The following VGLL4 variants were observed in gnomAD, a reference collection of about 807,000 sequenced individuals.
VGLL4 encodes vestigial like family member 4.
Under a neutral mutation model 21.0 loss-of-function variants are expected in VGLL4, and 7 were observed. The ratio of observed to expected loss-of-function variants is 0.33; its 90% CI spans 0.19 to 0.63. The LOEUF (loss-of-function observed/expected upper bound fraction) is 0.63. Among genes scored for constraint, VGLL4 ranks in the 20% least tolerant of loss-of-function variants. The pLI, the probability that VGLL4 is intolerant of heterozygous loss-of-function variation, is 0.78. For missense variants in VGLL4, 394 were observed against 425.7 expected, an observed-to-expected ratio of 0.93 and a Z score of 0.66; for synonymous variants, 222 against 173.2, an observed-to-expected ratio of 1.28 and a Z score of -2.21.
chr3:11,677,277 A>ATT (rs768290568), intron 2 of VGLL4, among the ~76,000 whole-genome samples: 7 of 145,314 alleles, frequency 4.8e-5, no homozygotes, highest in East Asian at 2.0e-4. Context: ...ACAGACTGCA[A>ATT]TTTTTTTTTT....
intron 2 of VGLL4, among the ~76,000 whole-genome samples, chr3:11,652,249 A>G (rs1403993080): frequency 6.6e-6 from 1 of 152,224 alleles, no homozygotes; most frequent in Admixed American, 6.5e-5. Flanking sequence ...TAATATTAAA[A>G]TTCATAGAAA....
At chr3:11,699,423 T>A (rs1005996943) in intron 2 of VGLL4, 2 of 152,144 alleles carry the variant, frequency 1.3e-5, no homozygotes, top group African/African-American at 4.8e-5. Context: ...CATTCAAATG[T>A]AAAAAATGAT....
intron 2 of VGLL4, among the ~76,000 whole-genome samples, chr3:11,594,434 G>T (rs531747778): frequency 1.3e-5 from 2 of 152,228 alleles, no homozygotes; most frequent in Non-Finnish European, 2.9e-5. Context: ...TATATTTCAA[G>T]TGTCCAACAC....
At chr3:11,566,061 C>T (rs2073481578) in intron 2 of VGLL4, among the ~76,000 whole-genome samples, 1 of 152,188 alleles carries the variant, frequency 6.6e-6, no homozygotes. Flanking sequence ...TACAAGTAGT[C>T]ACCTGTCTTA....
In VGLL4 at chr3:11,565,121, T is replaced by C; in HGVS notation, c.273-102A>G. On this transcript the variant is annotated intron_variant, in intron 2 of 4. Coordinates refer to ENST00000430365, the MANE Select transcript of VGLL4 (RefSeq NM_001128219.3). The surrounding 1 kb of genome is among the most constrained non-coding windows in gnomAD (Gnocchi z 4.1). The stretch of plus-strand genomic sequence containing the variant: ...GTGTTGCTTATTTAATTTTTTACCC[T>C]GAAGCTCAGGTCGTGTGGCTGGGCA... The C allele has an allele frequency of 1.7e-6, 2 of 1,168,012 alleles. No individual in the cohort carries two copies. Among genetic ancestry groups the C allele is most frequent in the African/African-American group, 1.6e-5 (1 of 61,970 alleles). The allele number at this position is 1,168,012 out of a possible 1,614,324, so 72.4% of individuals were successfully genotyped here. A position where few individuals can be genotyped will look rare whatever the true frequency, so the allele number is the denominator to read the frequency against.
intron 1 of VGLL4, among the ~76,000 whole-genome samples, chr3:11,643,083 G>C (rs1397780438): frequency 6.6e-6 from 1 of 152,136 alleles, no homozygotes; most frequent in African/African-American, 2.4e-5. Flanking sequence ...CCCCCAAAGA[G>C]GCTCAACTTT....
At chr3:11,633,300 A>G (rs944849506) in intron 1 of VGLL4, 2 of 152,224 alleles carry the variant, frequency 1.3e-5, no homozygotes, top group African/African-American at 2.4e-5. Context: ...GGAGGGAGGT[A>G]ACACAGCGAG....
intron 2 of VGLL4, among the ~76,000 whole-genome samples, chr3:11,655,845 G>A (rs1417541286): frequency 1.3e-5 from 2 of 152,090 alleles, no homozygotes; most frequent in Non-Finnish European, 2.9e-5. Flanking sequence ...TCTGATGAAC[G>A]GCCATCTCCC....
chr3:11,699,148 A>G (rs968590560), intron 2 of VGLL4, among the ~76,000 whole-genome samples: 1 of 152,230 alleles, frequency 6.6e-6, no homozygotes, highest in African/African-American at 2.4e-5. Flanking sequence ...AGGGCAGAGA[A>G]AGCTGAGTCA....
At chr3:11,634,223 C>G (rs1390746696) in intron 1 of VGLL4, among the ~76,000 whole-genome samples, 1 of 152,192 alleles carries the variant, frequency 6.6e-6, no homozygotes, top group African/African-American at 2.4e-5. Flanking sequence ...ACCCCAGAAC[C>G]TAGTCCTCTT....
At chr3:11,573,304 AAAGGAAGGAAGG>A (rs1559870042) in intron 2 of VGLL4, among the ~76,000 whole-genome samples, 308 of 11,934 alleles carry the variant, frequency 0.026, 32 homozygotes, top group African/African-American at 0.043. Flanking sequence ...AGAAAGAAAG[AAAGGAAGGAAGG>A]AAGAAAGAAA....
chr3:11,564,889 G>A lies in VGLL4; in HGVS notation c.403C>T (p.Leu135=), dbSNP rs1391587450. Residue 135 remains leucine, a synonymous_variant, in exon 3 of 5, where the codon CTG becomes TTG. Coordinates refer to ENST00000430365, the MANE Select transcript of VGLL4 (RefSeq NM_001128219.3). Reference sequence around the variant, plus strand: ...TTGGTCAGTGCGAGGGGCTGCTCCAGGCCAAGGCTGGGGAGGGAGGTGTAC... The same window carrying A: ...TTGGTCAGTGCGAGGGGCTGCTCCAAGCCAAGGCTGGGGAGGGAGGTGTAC... ...HLYTSLPSLG[L]EQPLALTKNS... 6.2e-7 allele frequency: 1 copy of A among 1,608,214 alleles called. No homozygotes were observed. Among genetic ancestry groups the A allele is most frequent in the Non-Finnish European group, 8.5e-7 (1 of 1,177,930 alleles).
At chr3:11,703,530 T>C (rs558875291) in intron 1 of VGLL4, among the ~76,000 whole-genome samples, 4 of 152,352 alleles carry the variant, frequency 2.6e-5, no homozygotes, top group African/African-American at 9.6e-5. Flanking sequence ...TAAGAATCTT[T>C]ATGTTAAAAC....
At chr3:11,665,634 C>T (rs1034275461) in intron 2 of VGLL4, among the ~76,000 whole-genome samples, 9 of 152,224 alleles carry the variant, frequency 5.9e-5, no homozygotes, top group Admixed American at 2.0e-4. Flanking sequence ...TGCCTGAAGG[C>T]GCCTGACAAA....
rs56380247 is a variant in VGLL4 at position 11,661,435 on chromosome 3, TTTTA to T, written c.64+41532_64+41535del. Reference sequence around the variant, plus strand: ...GAAAGTTATGAACCAACATTTTTCCTTTTATTTATTTATTTATTTATTTATTTAT... The same window carrying T: ...GAAAGTTATGAACCAACATTTTTCCTTTTATTTATTTATTTATTTATTTAT... On this transcript the variant is annotated intron_variant, in intron 2 of 5. Coordinates refer to the VGLL4 transcript ENST00000273038. Among the ~76,000 whole-genome samples the T allele has an allele frequency of 7.7e-3, 1,139 of 148,116 alleles. 11 individuals carry two copies. Among genetic ancestry groups the T allele is most frequent in the African/African-American group, 0.021 (867 of 40,394 alleles).
intron 2 of VGLL4, among the ~76,000 whole-genome samples, chr3:11,650,045 T>C (rs1228939390): frequency 6.6e-6 from 1 of 152,120 alleles, no homozygotes; most frequent in Non-Finnish European, 1.5e-5. Flanking sequence ...GCTCAAGTGA[T>C]CCTTCCAACT....
Position 11,595,852 on chromosome 3 carries a change from G to A in VGLL4, c.272+5981C>T, listed in dbSNP as rs1349728481. On this transcript the variant is annotated intron_variant, in intron 2 of 4. Coordinates refer to ENST00000430365, the MANE Select transcript of VGLL4 (RefSeq NM_001128219.3). ...GGACTGTTGTGGTGTGGGGGGGGCG[G>A]GGAATAGCATTAGGAGATATACCTA... 7.6e-3 allele frequency among the ~76,000 whole-genome samples: 22 copies of A among 2,888 alleles called. 1 individual carries two copies. Among genetic ancestry groups the A allele is most frequent in the Admixed American group, 0.041 (22 of 534 alleles). The allele number at this position is 2,888 out of a possible 152,430, so 1.9% of individuals were successfully genotyped here.
intron 2 of VGLL4, among the ~76,000 whole-genome samples, chr3:11,701,864 G>C (rs1020386420): frequency 6.6e-6 from 1 of 152,140 alleles, no homozygotes; most frequent in Non-Finnish European, 1.5e-5. Flanking sequence ...GTTCCTACAT[G>C]AAACAGTAAT....
chr3:11,563,580 C>T (rs2125123743), intron 3 of VGLL4, among the ~76,000 whole-genome samples: 1 of 152,336 alleles, frequency 6.6e-6, no homozygotes, highest in South Asian at 2.1e-4. Flanking sequence ...CTGCAGAGGG[C>T]TGGGTAAATG....
Sources: allele counts gnomAD v4.1 joint callset (sites outside exome capture counted in the v4.1 genomes callset), GRCh38; gene constraint gnomAD v4.1.1; non-coding constraint Gnocchi (gnomAD v3.1); transcripts MANE v1.5; gene names NCBI Gene and HGNC (gene_info 2026-07-23, HGNC 2026-07-21).